The following RWDD1 variants were observed in gnomAD, a reference collection of about 807,000 sequenced individuals.
RWDD1 encodes the protein RWD domain containing 1, also known as RWD domain-containing protein 1.
Under a neutral mutation model 31.6 loss-of-function variants are expected in RWDD1, and 17 were observed. The ratio of observed to expected loss-of-function variants is 0.54; its 90% CI spans 0.37 to 0.81. The LOEUF (loss-of-function observed/expected upper bound fraction) is 0.81, where lower values mean the gene tolerates loss of function less well. Among genes scored for constraint, RWDD1 ranks in the 30% least tolerant of loss-of-function variants. The pLI is 0.00. For synonymous variants in RWDD1, 78 were observed against 94.2 expected (o/e 0.83, Z 0.99); for missense variants, 204 against 274.5 (o/e 0.74, Z 1.82).
At chr6:116,573,526 T>C (rs928942894) in intron 1 of RWDD1, among the ~76,000 whole-genome samples, 1 of 152,252 alleles carries the variant, frequency 6.6e-6, no homozygotes, top group Non-Finnish European at 1.5e-5. Context: ...TTTGCCTTCC[T>C]AGTGATCATG....
intron 2 of RWDD1, among the ~76,000 whole-genome samples, chr6:116,581,654 G>A (rs1003381941): frequency 3.9e-5 from 6 of 151,934 alleles, no homozygotes; most frequent in African/African-American, 4.8e-5. Flanking sequence ...TTAAAAGAAC[G>A]ATCTCACAGG....
chr6:116,581,632 C>G (rs1012122102), intron 2 of RWDD1, among the ~76,000 whole-genome samples: 3 of 151,778 alleles, frequency 2.0e-5, no homozygotes, highest in Non-Finnish European at 4.4e-5. Context: ...TATACAATTT[C>G]TAAAGGTAGT....
rs186902218 is a variant in RWDD1, at chr6:116,575,049, C to T, written c.73+3394C>T. Among the ~76,000 whole-genome samples the T allele has an allele frequency of 2.6e-3, 400 of 152,166 alleles. 2 individuals are homozygous for T. The highest frequency in any genetic ancestry group is 8.7e-3 in the African/African-American group (360 of 41,518). On this transcript the variant is annotated intron_variant, in intron 1 of 6. Transcript: ENST00000466444. The stretch of plus-strand genomic sequence containing the variant: ...ACTCCCAAAGTGCTGGGGTTATAGG[C>T]GTGAGCCATTGCACCTGGCCCAGCT...
chr6:116,589,393 C>T (rs1022936868), intron 4 of RWDD1, among the ~76,000 whole-genome samples: 3 of 152,098 alleles, frequency 2.0e-5, no homozygotes, highest in Non-Finnish European at 4.4e-5. Context: ...AGACAGTTTA[C>T]GAATTTGTGT....
At chr6:116,579,670 T>A (rs1289872993) in intron 1 of RWDD1, among the ~76,000 whole-genome samples, 1 of 152,234 alleles carries the variant, frequency 6.6e-6, no homozygotes, top group Non-Finnish European at 1.5e-5. Context: ...GATTTATGTG[T>A]CTTGTCTTGC....
At chr6:116,577,114 A>G (rs1774858994) in intron 1 of RWDD1, among the ~76,000 whole-genome samples, 1 of 152,168 alleles carries the variant, frequency 6.6e-6, no homozygotes. Flanking sequence ...TTGTGATTCT[A>G]CCCCTTTCTC....
chr6:116,596,151 TTC>T lies in RWDD1; in HGVS notation c.*3051_*3052del, dbSNP rs1775236156. ...TTCACATAGCTCTTAATGTTTGTCT[TTC>T]AGAGGACATACGAGTCAGGCAGCAA... On this transcript the variant is annotated 3_prime_UTR_variant, in exon 7 of 7. Transcript: ENST00000466444. 1 of 152,214 alleles carries T rather than the reference TTC, an allele frequency of 6.6e-6. No homozygotes were observed. Among genetic ancestry groups the T allele is most frequent in the Non-Finnish European group, 1.5e-5 (1 of 68,046 alleles). 9.4% of individuals were successfully genotyped at this position (152,214 alleles called of 1,614,324 possible).
Position 116,595,090 on chromosome 6 carries a change from G to A in RWDD1, c.*1989G>A, listed in dbSNP as rs1399804599. The A allele has an allele frequency of 2.0e-5, 3 of 152,122 alleles. No homozygotes were observed. Among genetic ancestry groups the A allele is most frequent in the Non-Finnish European group, 2.9e-5 (2 of 68,018 alleles). 9.4% of individuals were successfully genotyped at this position (152,122 alleles called of 1,614,324 possible). ...TTGCTTTTCCCATCTTTTTGAAGCT[G>A]ATCAGCAGATACATAAGAACCTGGA... On this transcript the variant is annotated 3_prime_UTR_variant, in exon 7 of 7. Transcript: ENST00000466444.
intron 3 of RWDD1, among the ~76,000 whole-genome samples, chr6:116,587,623 G>T (rs1261724745): frequency 1.3e-5 from 2 of 151,898 alleles, no homozygotes; most frequent in African/African-American, 2.4e-5. Flanking sequence ...GTTTTGTGGT[G>T]CTTCAGTTTA....
rs890731558 is a variant in RWDD1 at position 116,588,809 on chromosome 6, A to C, written c.271-33A>C. The C allele has an allele frequency of 2.7e-6, 4 of 1,482,774 alleles. No homozygotes were observed. The South Asian group carries it at 4.3e-5, about 16-fold the overall frequency. 91.9% of individuals were successfully genotyped at this position (1,482,774 alleles called of 1,614,324 possible). A position where few individuals can be genotyped will look rare whatever the true frequency, so the allele number is the denominator to read the frequency against. On this transcript the variant is annotated intron_variant, in intron 3 of 6. Transcript: ENST00000466444. Reference sequence around the variant, plus strand: ...ATGTATGGACTTTTATTTTTCTGAGAGTTATTCCTCATCACCTTTTTGTGT... The same window carrying C: ...ATGTATGGACTTTTATTTTTCTGAGCGTTATTCCTCATCACCTTTTTGTGT...
rs1172450287 is a variant in RWDD1 at position 116,595,108 on chromosome 6, A to G, written c.*2007A>G. ...TGAAGCTGATCAGCAGATACATAAGAACCTGGAAGAAGCTGCTCAATTAAG... is the reference window on the plus strand; with the variant it reads ...TGAAGCTGATCAGCAGATACATAAGGACCTGGAAGAAGCTGCTCAATTAAG... On this transcript the variant is annotated 3_prime_UTR_variant, in exon 7 of 7. Transcript: ENST00000466444. 6.6e-6 allele frequency: 1 copy of G among 152,242 alleles called. No individual in the cohort carries two copies. The highest frequency in any genetic ancestry group is 2.4e-5 in the African/African-American group (1 of 41,466). The allele number at this position is 152,242 out of a possible 1,614,324, so 9.4% of individuals were successfully genotyped here. A position where few individuals can be genotyped will look rare whatever the true frequency, so the allele number is the denominator to read the frequency against.
At chr6:116,572,541 G>A (rs1355798405) in intron 1 of RWDD1, 2 of 152,172 alleles carry the variant, frequency 1.3e-5, no homozygotes, top group African/African-American at 4.8e-5. Flanking sequence ...TAGAGGACGA[G>A]ATTTCTCTAT....
intron 2 of RWDD1, among the ~76,000 whole-genome samples, chr6:116,584,345 A>G (rs1295638362): frequency 6.6e-6 from 1 of 152,188 alleles, no homozygotes; most frequent in Non-Finnish European, 1.5e-5. Context: ...TTCTGCAGGT[A>G]GGAACTGGCT....
At chr6:116,577,888 A>G (rs1300119361) in intron 1 of RWDD1, among the ~76,000 whole-genome samples, 4 of 152,176 alleles carry the variant, frequency 2.6e-5, no homozygotes, top group Admixed American at 2.0e-4. Flanking sequence ...TCGCTCACAT[A>G]TAAGTTCAGC....
At chr6:116,578,859 T>G (rs1200079293) in intron 1 of RWDD1, among the ~76,000 whole-genome samples, 1 of 146,806 alleles carries the variant, frequency 6.8e-6, no homozygotes. Context: ...ACATCTATCT[T>G]GAAAATAATT....
intron 6 of RWDD1, among the ~76,000 whole-genome samples, chr6:116,592,512 C>CTG (rs2115338106): frequency 6.6e-6 from 1 of 152,260 alleles, no homozygotes. Context: ...GACATTGTAA[C>CTG]TGAAGGCATA....
rs1775221226 is a variant in RWDD1, at chr6:116,595,213, C to T, written c.*2112C>T. The T allele has an allele frequency of 1.3e-5, 2 of 152,290 alleles. No individual in the cohort carries two copies. The highest frequency in any genetic ancestry group is 3.4e-3 in the Middle Eastern group (1 of 294). 9.4% of individuals were successfully genotyped at this position (152,290 alleles called of 1,614,324 possible). ...ACTTTGAAGTGTCAAGAATGATAAC[C>T]TCCCATCCACTTCATGTGATTTTTA... On this transcript the variant is annotated 3_prime_UTR_variant, in exon 7 of 7. Transcript: ENST00000466444.
At chr6:116,584,416 C>T (rs1305196755) in intron 2 of RWDD1, among the ~76,000 whole-genome samples, 2 of 152,150 alleles carry the variant, frequency 1.3e-5, no homozygotes, top group Non-Finnish European at 2.9e-5. Flanking sequence ...TATTCAGTGC[C>T]TTTGTTTATC....
chr6:116,571,706 G>A (rs779098093), intron 1 of RWDD1, 51 bp downstream of exon 1: 1 of 1,549,234 alleles, frequency 6.5e-7, no homozygotes, highest in Non-Finnish European at 8.8e-7. Context: ...GAGTAGGACG[G>A]GCAGGAGCTG....
Sources: allele counts gnomAD v4.1 joint callset (sites outside exome capture counted in the v4.1 genomes callset), GRCh38; gene constraint gnomAD v4.1.1; transcripts MANE v1.5; gene names NCBI Gene and HGNC (gene_info 2026-07-23, HGNC 2026-07-21).